Variants in RYR3 observed in about 807,000 individuals in gnomAD.
RYR3 encodes the protein ryanodine receptor 3, also known as brain ryanodine receptor-calcium release channel.
A neutral mutation model predicts 584.3 loss-of-function variants in RYR3; 207 were observed. The ratio of observed to expected loss-of-function variants is 0.35; its 90% CI spans 0.32 to 0.40. The LOEUF is 0.40. RYR3 is among the 10% of genes least tolerant of loss of function. RYR3 has a pLI of 1.00. For missense variants in RYR3, 5,616 were observed against 6,089.2 expected (o/e 0.92, Z 2.59); for synonymous variants, 2,416 against 2,248.5 (o/e 1.07, Z -2.11).
intron 67 of RYR3, among the ~76,000 whole-genome samples, chr15:33,800,485 T>C (rs1359033581): frequency 6.6e-6 from 1 of 152,262 alleles, no homozygotes; most frequent in Non-Finnish European, 1.5e-5. Context: ...TTTGACCATT[T>C]TGAAATGTCG....
At chr15:33,655,530 C>T (rs1030046833) in intron 32 of RYR3, among the ~76,000 whole-genome samples, 1 of 152,216 alleles carries the variant, frequency 6.6e-6, no homozygotes, top group Non-Finnish European at 1.5e-5. Context: ...CTTTAGCCCA[C>T]CTTTCACCAT....
chr15:33,498,151 A>G (rs2051609159), intron 2 of RYR3, among the ~76,000 whole-genome samples: 1 of 152,212 alleles, frequency 6.6e-6, no homozygotes, highest in South Asian at 2.1e-4. Context: ...TTTGCTATGT[A>G]ATATGCAATA....
At chr15:33,796,578 A>G (rs1296477930) in intron 67 of RYR3, among the ~76,000 whole-genome samples, 1 of 152,126 alleles carries the variant, frequency 6.6e-6, no homozygotes, top group Non-Finnish European at 1.5e-5. Flanking sequence ...GGTTGTTGTT[A>G]TAAATTTAAG....
intron 27 of RYR3, among the ~76,000 whole-genome samples, chr15:33,637,477 C>T (rs949147506): frequency 2.0e-5 from 3 of 152,222 alleles, no homozygotes. Context: ...GAGACCTGGA[C>T]GCTCACCTGC....
chr15:33,351,711 C>A (rs564035837), intron 1 of RYR3, among the ~76,000 whole-genome samples: 93 of 150,174 alleles, frequency 6.2e-4, no homozygotes, highest in Non-Finnish European at 1.1e-3. Flanking sequence ...ATTCAACAAC[C>A]CTTCATGCTA....
At chr15:33,578,530 T>A (rs2058417364) in intron 12 of RYR3, among the ~76,000 whole-genome samples, 1 of 152,024 alleles carries the variant, frequency 6.6e-6, no homozygotes. Flanking sequence ...CACCACATGT[T>A]CTCAGTTATA....
intron 10 of RYR3, among the ~76,000 whole-genome samples, chr15:33,559,734 G>A (rs1180935659): frequency 6.6e-6 from 1 of 152,150 alleles, no homozygotes; most frequent in Non-Finnish European, 1.5e-5. Flanking sequence ...GCATGCAGCT[G>A]AGCCCTTTGC....
At chr15:33,553,527 T>C (rs1235652632) in intron 10 of RYR3, among the ~76,000 whole-genome samples, 6 of 152,168 alleles carry the variant, frequency 3.9e-5, no homozygotes, top group Non-Finnish European at 8.8e-5. Context: ...GCTGCAGTTA[T>C]TGGCCGGGCC....
At chr15:33,847,223 C>G (rs769354088) in intron 93 of RYR3, 2 of 152,192 alleles carry the variant, frequency 1.3e-5, no homozygotes, top group African/African-American at 2.4e-5. Flanking sequence ...CCTTTGCCAC[C>G]TTCCTATCGT....
intron 65 of RYR3, among the ~76,000 whole-genome samples, chr15:33,785,191 C>T (rs1392267913): frequency 6.6e-6 from 1 of 152,116 alleles, no homozygotes; most frequent in African/African-American, 2.4e-5. Context: ...GATGAGTGGA[C>T]TTTTATTTTT....
At chr15:33,550,706 C>T (rs1217501221) in intron 10 of RYR3, among the ~76,000 whole-genome samples, 1 of 147,198 alleles carries the variant, frequency 6.8e-6, no homozygotes, top group African/African-American at 2.6e-5. Flanking sequence ...TTCAGAGCTA[C>T]ATTTGTTTAA....
Position 33,698,348 on chromosome 15 carries a change from A to T in RYR3, c.6249+352A>T, listed in dbSNP as rs145990957. Among the ~76,000 whole-genome samples the T allele has an allele frequency of 4.6e-5, 7 of 152,338 alleles. No individual in the cohort carries two copies. The East Asian group carries it at 1.3e-3, about 29-fold the overall frequency. Reference sequence around the variant, plus strand: ...GCTGAGTCAGGAGAAGGCTGTTCTAAAGGAGAACAAGATCTCAATAGTGAT... The same window carrying T: ...GCTGAGTCAGGAGAAGGCTGTTCTATAGGAGAACAAGATCTCAATAGTGAT... On this transcript the variant is annotated intron_variant, in intron 40 of 103. Coordinates refer to ENST00000634891, the MANE Select transcript of RYR3 (RefSeq NM_001036.6).
chr15:33,795,306 G>A (rs1045866349), intron 67 of RYR3, among the ~76,000 whole-genome samples: 1 of 152,046 alleles, frequency 6.6e-6, no homozygotes, highest in Non-Finnish European at 1.5e-5. Context: ...TGCTCAGTGG[G>A]GGACACATAA....
intron 1 of RYR3, among the ~76,000 whole-genome samples, chr15:33,435,708 C>T (rs1199617848): frequency 6.6e-6 from 1 of 152,172 alleles, no homozygotes; most frequent in Non-Finnish European, 1.5e-5. Context: ...GTTGATTGTT[C>T]CTCCCGGTAG....
At chr15:33,584,349 CATT>C in intron 14 of RYR3, 43 bp from the exon 15 acceptor site, 1 of 1,048,936 alleles carries the variant, frequency 9.5e-7, no homozygotes, top group Non-Finnish European at 1.5e-6. Flanking sequence ...TCACGCCCAT[CATT>C]ATATCCTTTA....
At chr15:33,358,516 G>T (rs1974298879) in intron 1 of RYR3, among the ~76,000 whole-genome samples, 1 of 152,160 alleles carries the variant, frequency 6.6e-6, no homozygotes, top group Non-Finnish European at 1.5e-5. Flanking sequence ...GTACTTCTGT[G>T]AAAAGGCTGC....
chr15:33,734,426 G>A (rs1231564151), intron 48 of RYR3, among the ~76,000 whole-genome samples: 1 of 152,148 alleles, frequency 6.6e-6, no homozygotes, highest in Non-Finnish European at 1.5e-5. Flanking sequence ...AGAAAATGGA[G>A]TAAATAATGA....
chr15:33,550,373 T>C (rs2056592730), intron 10 of RYR3, 57 bp downstream of exon 10: 1 of 1,521,286 alleles, frequency 6.6e-7, no homozygotes, highest in Non-Finnish European at 8.9e-7. Context: ...CTCAGAAACC[T>C]CCAGGCAGAA....
At chr15:33,430,412 C>T (rs761204813) in intron 1 of RYR3, among the ~76,000 whole-genome samples, 3 of 152,100 alleles carry the variant, frequency 2.0e-5, no homozygotes, top group African/African-American at 7.2e-5. Context: ...GATCCATAGA[C>T]GAATTTGAAG....
Sources: allele counts gnomAD v4.1 joint callset (sites outside exome capture counted in the v4.1 genomes callset), GRCh38; gene constraint gnomAD v4.1.1; transcripts MANE v1.5; gene names NCBI Gene and HGNC (gene_info 2026-07-23, HGNC 2026-07-21).